The following MACROH2A2 variants were observed in gnomAD, a reference collection of about 807,000 sequenced individuals.
MACROH2A2 encodes core histone macro-H2A.2.
A neutral mutation model predicts 37.6 loss-of-function variants in MACROH2A2; 6 were observed. The observed-to-expected ratio is 0.16, with a 90% confidence interval of 0.09 to 0.32. The LOEUF (loss-of-function observed/expected upper bound fraction) is 0.32. MACROH2A2 is among the 10% of genes least tolerant of loss of function. The probability of loss-of-function intolerance (pLI) is 1.00; values close to 1 mark genes in which losing one functional copy is unlikely to be tolerated. For missense variants in MACROH2A2, 290 were observed against 485.9 expected, an observed-to-expected ratio of 0.60 and a Z score of 3.79; for synonymous variants, 192 against 202.7, an observed-to-expected ratio of 0.95 and a Z score of 0.45.
At chr10:70,074,267 C>T (rs566154265) in intron 1 of MACROH2A2, among the ~76,000 whole-genome samples, 15 of 152,316 alleles carry the variant, frequency 9.8e-5, no homozygotes, top group African/African-American at 3.4e-4. Flanking sequence ...GAATGTTTCT[C>T]TCTTAGTTCC....
rs7922242 is a variant in MACROH2A2 at position 70,107,935 on chromosome 10, T to G, written c.779-1098T>G. 0.17 allele frequency among the ~76,000 whole-genome samples: 26,519 copies of G among 152,098 alleles called. 3,387 individuals are homozygous for G. The highest frequency in any genetic ancestry group is 0.36 in the African/African-American group (14,813 of 41,446). On this transcript the variant is annotated intron_variant, in intron 7 of 8. Coordinates refer to ENST00000373255, the MANE Select transcript of MACROH2A2 (RefSeq NM_018649.3). This position sits in a 1 kb window ranked among gnomAD's most constrained non-coding sequence, Gnocchi z 4.4. ...CACAGCTATTTTTTAAAAGCCACAGTAGGCCAGGTGTGATGGCTCACGCCT... is the reference window on the plus strand; with the variant it reads ...CACAGCTATTTTTTAAAAGCCACAGGAGGCCAGGTGTGATGGCTCACGCCT...
At chr10:70,076,961 G>A (rs905875790) in intron 2 of MACROH2A2, among the ~76,000 whole-genome samples, 1 of 151,892 alleles carries the variant, frequency 6.6e-6, no homozygotes, top group Admixed American at 6.6e-5. Flanking sequence ...GTCCTCCCCC[G>A]AGAGCTTCCA....
In MACROH2A2 at chr10:70,107,396, A is replaced by G. The variant is rs1175785182; in HGVS notation, c.779-1637A>G. 6.6e-6 allele frequency among the ~76,000 whole-genome samples: 1 copy of G among 152,226 alleles called. No homozygotes were observed. Among genetic ancestry groups the G allele is most frequent in the Non-Finnish European group, 1.5e-5 (1 of 68,042 alleles). On this transcript the variant is annotated intron_variant, in intron 7 of 8. Transcript: ENST00000373255. The surrounding 1 kb of genome is among the most constrained non-coding windows in gnomAD (Gnocchi z 4.4). ...CACACAGCTCTGGAATACGGCGGAC[A>G]CACGTTTCTGTTACAAGTGCTGCCC...
At chr10:70,102,190 G>A (rs1026183212) in intron 7 of MACROH2A2, among the ~76,000 whole-genome samples, 3 of 152,240 alleles carry the variant, frequency 2.0e-5, no homozygotes, top group African/African-American at 7.2e-5. Context: ...GGACTGCAGT[G>A]AGGCTGTGAG....
intron 1 of MACROH2A2, among the ~76,000 whole-genome samples, chr10:70,059,624 G>A (rs941879959): frequency 6.6e-6 from 1 of 152,102 alleles, no homozygotes; most frequent in Non-Finnish European, 1.5e-5. Flanking sequence ...TCCCGCCTCG[G>A]CCTCCCAAAG....
At position 70,059,301 on chromosome 10, in the gene MACROH2A2, G is replaced by A. The variant is rs570591718; in HGVS notation, c.-60+6301G>A. ...CAGGAAAGGTGGCGACCAAGCTGTT[G>A]AAGTTCCCAGGCACTTGCCCACTCC... is the stretch of plus-strand genomic sequence containing the variant. On this transcript the variant is annotated intron_variant, in intron 1 of 8. Coordinates refer to ENST00000373255, the MANE Select transcript of MACROH2A2 (RefSeq NM_018649.3). Among the ~76,000 whole-genome samples the A allele has an allele frequency of 2.6e-5, 4 of 152,218 alleles. No homozygotes were observed. The East Asian group carries it at 7.7e-4, about 29-fold the overall frequency.
chr10:70,057,200 G>A (rs2072023159), intron 1 of MACROH2A2, among the ~76,000 whole-genome samples: 3 of 152,162 alleles, frequency 2.0e-5, no homozygotes, highest in Admixed American at 2.0e-4. Context: ...GCATCTGGGG[G>A]TAAAACATGC....
In MACROH2A2 at chr10:70,106,006, C is replaced by T. The variant is rs79642072; in HGVS notation, c.779-3027C>T. 4.8e-4 allele frequency among the ~76,000 whole-genome samples: 73 copies of T among 152,168 alleles called. 3 individuals carry two copies. The East Asian group carries it at 0.012, about 24-fold the overall frequency. On this transcript the variant is annotated intron_variant, in intron 7 of 8. Coordinates refer to ENST00000373255, the MANE Select transcript of MACROH2A2 (RefSeq NM_018649.3). ...GAGAGAAGAGCACTGGGCCCAGACACGCAGGAAGAAGAGAGGCCATTGTGG... is the reference window on the plus strand; with the variant it reads ...GAGAGAAGAGCACTGGGCCCAGACATGCAGGAAGAAGAGAGGCCATTGTGG...
intron 8 of MACROH2A2, 35 bp downstream of exon 8, chr10:70,109,242 C>A: frequency 1.3e-6 from 2 of 1,582,510 alleles, no homozygotes; most frequent in Non-Finnish European, 1.7e-6. Flanking sequence ...ATTCCTCCGG[C>A]TTTTTCCCTG....
At chr10:70,097,822 G>A (rs1393717207) in intron 6 of MACROH2A2, among the ~76,000 whole-genome samples, 1 of 152,132 alleles carries the variant, frequency 6.6e-6, no homozygotes, top group Non-Finnish European at 1.5e-5. Flanking sequence ...TTAAACATTT[G>A]TTTAAGCCAG....
intron 2 of MACROH2A2, among the ~76,000 whole-genome samples, chr10:70,079,543 T>C (rs922166404): frequency 2.1e-5 from 3 of 141,114 alleles, no homozygotes; most frequent in South Asian, 2.3e-4. Context: ...GAAGGCCACG[T>C]TGAGGGTTCG....
intron 1 of MACROH2A2, among the ~76,000 whole-genome samples, chr10:70,059,657 C>T (rs1261797633): frequency 6.6e-6 from 1 of 152,160 alleles, no homozygotes; most frequent in African/African-American, 2.4e-5. Flanking sequence ...AGGCGTGAGC[C>T]ACCGCGCCTG....
chr10:70,069,788 T>C (rs1251528364), intron 1 of MACROH2A2, among the ~76,000 whole-genome samples: 1 of 151,952 alleles, frequency 6.6e-6, no homozygotes, highest in Non-Finnish European at 1.5e-5. Context: ...ACACCGAGAC[T>C]CCAATTACCA....
chr10:70,082,137 C>T (rs1270660024), intron 2 of MACROH2A2, among the ~76,000 whole-genome samples: 1 of 152,166 alleles, frequency 6.6e-6, no homozygotes, highest in African/African-American at 2.4e-5. Context: ...AGCAGGGACT[C>T]GGCCGGGCGC....
chr10:70,099,401 C>G (rs1451686545), intron 6 of MACROH2A2: 1 of 152,142 alleles, frequency 6.6e-6, no homozygotes, highest in East Asian at 1.9e-4. Flanking sequence ...AAAGAGATTG[C>G]TGAGACTTGC....
At chr10:70,056,764 G>A (rs1589829118) in intron 1 of MACROH2A2, among the ~76,000 whole-genome samples, 1 of 152,294 alleles carries the variant, frequency 6.6e-6, no homozygotes, top group East Asian at 1.9e-4. Flanking sequence ...CCCTTGCAAG[G>A]CTGAGAGTCC....
chr10:70,102,024 C>A (rs2072309867), intron 7 of MACROH2A2, among the ~76,000 whole-genome samples: 1 of 152,182 alleles, frequency 6.6e-6, no homozygotes, highest in African/African-American at 2.4e-5. Context: ...GATCCATGTT[C>A]CCACCCACAT....
intron 4 of MACROH2A2, 68 bp downstream of exon 4, chr10:70,092,022 C>G (rs574876264): frequency 1.3e-5 from 17 of 1,278,194 alleles, no homozygotes; most frequent in Admixed American, 1.9e-5. Flanking sequence ...TGTGTTCCCC[C>G]ACAATTCATA....
chr10:70,111,478 G>T (rs1264248090), intron 8 of MACROH2A2, 40 bp from the exon 9 acceptor site: 1 of 1,596,066 alleles, frequency 6.3e-7, no homozygotes, highest in Admixed American at 1.7e-5. Context: ...TGGGTCCCAG[G>T]GACCAAAATG....
Sources: allele counts gnomAD v4.1 joint callset (sites outside exome capture counted in the v4.1 genomes callset), GRCh38; gene constraint gnomAD v4.1.1; non-coding constraint Gnocchi (gnomAD v3.1); transcripts MANE v1.5; gene names NCBI Gene and HGNC (gene_info 2026-07-23, HGNC 2026-07-21).